Variants in RPS6KA2 observed in about 807,000 individuals in gnomAD.
RPS6KA2 encodes the protein ribosomal protein S6 kinase A2.
In RPS6KA2, 42 loss-of-function variants were observed where a neutral mutation model predicts 91.8. The ratio of observed to expected loss-of-function variants is 0.46; its 90% confidence interval spans 0.36 to 0.59. The LOEUF is 0.59. RPS6KA2 is among the 20% of genes least tolerant of loss of function. RPS6KA2 has a pLI of 0.00. For missense variants in RPS6KA2, 798 were observed against 978.5 expected (o/e 0.82, Z 2.46); for synonymous variants, 414 against 393.6 (o/e 1.05, Z -0.61).
intron 2 of RPS6KA2, among the ~76,000 whole-genome samples, chr6:166,724,717 G>A (rs1790284760): frequency 6.6e-6 from 1 of 152,206 alleles, no homozygotes; most frequent in Non-Finnish European, 1.5e-5. Context: ...TGCTGAGGGT[G>A]CAGGTTCCTA....
rs1048685337 is a variant in RPS6KA2 at position 166,557,483 on chromosome 6, A to G, written c.100-18699T>C. On this transcript the variant is annotated intron_variant, in intron 1 of 20. Transcript: ENST00000265678. The surrounding 1 kb of genome is among the most constrained non-coding windows in gnomAD (Gnocchi z 4.8). Reference sequence around the variant, plus strand: ...TACAGGGATTGAGAGAAATGAATGGATTGAATTATGCTAATATCTTCCCTT... The same window carrying G: ...TACAGGGATTGAGAGAAATGAATGGGTTGAATTATGCTAATATCTTCCCTT... Among the ~76,000 whole-genome samples, 24 of 152,238 alleles carry G rather than the reference A, an allele frequency of 1.6e-4. No individual in the cohort carries two copies. The highest frequency in any genetic ancestry group is 5.8e-4 in the African/African-American group (24 of 41,464).
At chr6:166,483,376 C>T (rs6456087) in intron 10 of RPS6KA2, among the ~76,000 whole-genome samples, 10,762 of 152,210 alleles carry the variant, frequency 0.071, 1,267 homozygotes, top group African/African-American at 0.24. Flanking sequence ...GAGCTGGGGC[C>T]GTGGCCTCCT....
intron 14 of RPS6KA2, among the ~76,000 whole-genome samples, chr6:166,438,653 T>C (rs1045883365): frequency 1.3e-5 from 2 of 152,168 alleles, no homozygotes; most frequent in Admixed American, 6.5e-5. Flanking sequence ...TTTCAGACAA[T>C]TGAAGGGAAA....
At chr6:166,715,644 G>C (rs944724436) in intron 2 of RPS6KA2, among the ~76,000 whole-genome samples, 18 of 152,162 alleles carry the variant, frequency 1.2e-4, no homozygotes, top group African/African-American at 4.3e-4. Context: ...ACACACCGAG[G>C]CTATCTGGTG....
At chr6:166,756,361 C>T (rs1400995655) in intron 2 of RPS6KA2, among the ~76,000 whole-genome samples, 1 of 152,080 alleles carries the variant, frequency 6.6e-6, no homozygotes, top group Admixed American at 6.6e-5. Flanking sequence ...AATGTCATAC[C>T]CATGGGTCTG....
At chr6:166,510,901 AT>A (rs1049178561) in intron 3 of RPS6KA2, among the ~76,000 whole-genome samples, 47 of 151,664 alleles carry the variant, frequency 3.1e-4, no homozygotes, top group Middle Eastern at 3.4e-3. Context: ...CTCGCCCTGT[AT>A]TTTTTCGTGG....
At chr6:166,660,382 G>A (rs1421278831) in intron 2 of RPS6KA2, among the ~76,000 whole-genome samples, 1 of 146,154 alleles carries the variant, frequency 6.8e-6, no homozygotes, top group Non-Finnish European at 1.5e-5. Flanking sequence ...GTGTGCATGT[G>A]TATGGGCATG....
intron 2 of RPS6KA2, among the ~76,000 whole-genome samples, chr6:166,676,887 T>G (rs1471610780): frequency 6.6e-6 from 1 of 152,238 alleles, no homozygotes; most frequent in Non-Finnish European, 1.5e-5. Context: ...TCTCTTGTCC[T>G]TCTTGTTTTG....
intron 2 of RPS6KA2, among the ~76,000 whole-genome samples, chr6:166,641,349 CAA>C (rs1420776617): frequency 1.1e-4 from 17 of 151,894 alleles, no homozygotes; most frequent in African/African-American, 3.6e-4. Flanking sequence ...TACAAGAAAA[CAA>C]GAGATTATAA....
chr6:166,492,839 C>T (rs1426355858), intron 8 of RPS6KA2, among the ~76,000 whole-genome samples: 1 of 151,798 alleles, frequency 6.6e-6, no homozygotes, highest in Non-Finnish European at 1.5e-5. Context: ...TCTCCACCTC[C>T]CGAGTAGCTG....
intron 2 of RPS6KA2, among the ~76,000 whole-genome samples, chr6:166,764,632 T>C (rs994056579): frequency 2.6e-5 from 4 of 152,050 alleles, no homozygotes; most frequent in East Asian, 1.9e-4. Context: ...ACTGACCACA[T>C]TGAGTGTGGC....
intron 4 of RPS6KA2, 99 bp downstream of exon 4, chr6:166,510,178 A>G: frequency 1.3e-6 from 1 of 743,014 alleles, no homozygotes; most frequent in Non-Finnish European, 2.3e-6. Flanking sequence ...TATAGGAAAG[A>G]TTTTCTTCTT....
At chr6:166,790,709 C>A (rs1228236785) in intron 2 of RPS6KA2, among the ~76,000 whole-genome samples, 1 of 152,214 alleles carries the variant, frequency 6.6e-6, no homozygotes, top group African/African-American at 2.4e-5. Flanking sequence ...GGCCAATATT[C>A]AACATTCTTA....
chr6:166,856,437 C>T (rs1411473025), intron 2 of RPS6KA2, among the ~76,000 whole-genome samples: 3 of 152,322 alleles, frequency 2.0e-5, no homozygotes, highest in South Asian at 2.1e-4. Context: ...TCCAGAACTG[C>T]GAGCAATATC....
At chr6:166,472,083 GATT>G (rs1167911266) in intron 10 of RPS6KA2, among the ~76,000 whole-genome samples, 1 of 152,200 alleles carries the variant, frequency 6.6e-6, no homozygotes, top group Non-Finnish European at 1.5e-5. Flanking sequence ...TGGTCACGAT[GATT>G]AACAGAAAGA....
At chr6:166,751,120 G>A (rs748856795) in intron 2 of RPS6KA2, among the ~76,000 whole-genome samples, 6 of 152,156 alleles carry the variant, frequency 3.9e-5, no homozygotes, top group South Asian at 2.1e-4. Flanking sequence ...CAGGTTCAGC[G>A]GTGAAATAGC....
chr6:166,632,320 A>T (rs1335473273), intron 2 of RPS6KA2, among the ~76,000 whole-genome samples: 1 of 152,194 alleles, frequency 6.6e-6, no homozygotes, highest in Non-Finnish European at 1.5e-5. Flanking sequence ...CCCTTAAATT[A>T]TGCAACTTTT....
intron 2 of RPS6KA2, among the ~76,000 whole-genome samples, chr6:166,808,154 G>A (rs905056489): frequency 2.0e-5 from 3 of 152,176 alleles, no homozygotes; most frequent in Non-Finnish European, 2.9e-5. Context: ...TCCCTGGACC[G>A]GGCTGGGACA....
intron 2 of RPS6KA2, among the ~76,000 whole-genome samples, chr6:166,784,421 G>GC (rs1778869447): frequency 4.5e-4 from 1 of 2,224 alleles, no homozygotes; most frequent in Non-Finnish European, 8.9e-4. Context: ...CACCTATGCA[G>GC]AACCACATAT....
Sources: allele counts gnomAD v4.1 joint callset (sites outside exome capture counted in the v4.1 genomes callset), GRCh38; gene constraint gnomAD v4.1.1; non-coding constraint Gnocchi (gnomAD v3.1); transcripts MANE v1.5; gene names NCBI Gene and HGNC (gene_info 2026-07-23, HGNC 2026-07-21).